The following SLC35H1 variants were observed in gnomAD, a reference collection of about 807,000 sequenced individuals.
The protein encoded by SLC35H1 is ovarian cancer-overexpressed gene 1 protein.
chr20:46,352,332 A>C, the SLC35H1 span: 14 of 963,072 alleles, frequency 1.5e-5, no homozygotes, highest in Admixed American at 4.5e-5. Flanking sequence ...GTTCTTACTG[A>C]GACCTGCTAA....
the SLC35H1 span, among the ~76,000 whole-genome samples, chr20:46,359,285 CCT>C: frequency 1.1e-4 from 17 of 152,212 alleles, no homozygotes; most frequent in South Asian, 6.2e-4. Flanking sequence ...GAATCAGTCC[CCT>C]GAGATACATG....
the SLC35H1 span, chr20:46,346,418 C>T: frequency 6.6e-6 from 1 of 152,060 alleles, no homozygotes; most frequent in Non-Finnish European, 1.5e-5. Flanking sequence ...TCTTACAGGG[C>T]AAGTCATTTG....
At chr20:46,356,298 C>T in the SLC35H1 span, among the ~76,000 whole-genome samples, 1 of 152,226 alleles carries the variant, frequency 6.6e-6, no homozygotes, top group Non-Finnish European at 1.5e-5. Flanking sequence ...GCCTTGCAGC[C>T]TGCCTTCCCC....
the SLC35H1 span, chr20:46,358,649 A>C: frequency 1.9e-6 from 3 of 1,554,026 alleles, no homozygotes; most frequent in Non-Finnish European, 2.6e-6. Flanking sequence ...CTGCAGCTCC[A>C]TGATTCGGAA....
At chr20:46,349,672 G>C in the SLC35H1 span, 1 of 152,556 alleles carries the variant, frequency 6.6e-6, no homozygotes, top group African/African-American at 2.4e-5. Flanking sequence ...GGGTCACACA[G>C]CTAGTGACAA....
chr20:46,363,979 A>G, the SLC35H1 span: 2 of 152,258 alleles, frequency 1.3e-5, no homozygotes, highest in Admixed American at 1.3e-4. Flanking sequence ...ACTTTCTCCA[A>G]TGCCCCACCC....
At chr20:46,357,138 C>G in the SLC35H1 span, among the ~76,000 whole-genome samples, 3 of 152,228 alleles carry the variant, frequency 2.0e-5, no homozygotes, top group African/African-American at 7.2e-5. Flanking sequence ...CCACGAGGGC[C>G]CCTCCTCCCA....
the SLC35H1 span, among the ~76,000 whole-genome samples, chr20:46,362,094 A>G: frequency 6.6e-6 from 1 of 152,170 alleles, no homozygotes; most frequent in Non-Finnish European, 1.5e-5. Context: ...ATTGGGATTC[A>G]GAAGGTCACC....
chr20:46,354,810 TG>T, the SLC35H1 span: 4 of 1,323,330 alleles, frequency 3.0e-6, no homozygotes, highest in Non-Finnish European at 3.2e-6. Context: ...CAGCTACCAC[TG>T]TGTTGGGCTC....
At chr20:46,355,584 C>T in the SLC35H1 span, among the ~76,000 whole-genome samples, 5 of 152,176 alleles carry the variant, frequency 3.3e-5, no homozygotes, top group African/African-American at 1.2e-4. This position sits in a 1 kb window ranked among gnomAD's most constrained non-coding sequence, Gnocchi z 4.8. Flanking sequence ...GACCCTCATC[C>T]TGCAGTGCTT....
the SLC35H1 span, among the ~76,000 whole-genome samples, chr20:46,359,796 T>C: frequency 6.6e-6 from 1 of 152,158 alleles, no homozygotes. Context: ...GACATTCCCA[T>C]CCTATTGAAA....
At chr20:46,350,543 C>T in the SLC35H1 span, 3 of 1,572,590 alleles carry the variant, frequency 1.9e-6, no homozygotes, top group Admixed American at 1.9e-5. Flanking sequence ...AGAGAGAGAC[C>T]ACAGTTACAG....
the SLC35H1 span, chr20:46,364,297 C>G: frequency 2.6e-5 from 4 of 152,282 alleles, no homozygotes; most frequent in Admixed American, 6.5e-5. Flanking sequence ...GGGTGGGGAG[C>G]CCGCTTCCCT....
At chr20:46,356,178 C>G in the SLC35H1 span, among the ~76,000 whole-genome samples, 1 of 152,206 alleles carries the variant, frequency 6.6e-6, no homozygotes, top group Non-Finnish European at 1.5e-5. Context: ...AGGAACAGTG[C>G]TCTCTGAAGC....
the SLC35H1 span, chr20:46,363,131 G>T: frequency 6.6e-6 from 1 of 152,184 alleles, no homozygotes; most frequent in Non-Finnish European, 1.5e-5. Flanking sequence ...ACCTTCTCTT[G>T]GGTGCCACGA....
At chr20:46,358,473 A>C in the SLC35H1 span, 2 of 1,614,226 alleles carry the variant, frequency 1.2e-6, no homozygotes. Flanking sequence ...ACCGCCTTCC[A>C]CAAAAAGGCC....
At chr20:46,351,045 C>T in the SLC35H1 span, among the ~76,000 whole-genome samples, 10 of 152,214 alleles carry the variant, frequency 6.6e-5, no homozygotes, top group Non-Finnish European at 1.3e-4. Context: ...TCAGGGGACC[C>T]GGCCGGCTTG....
At chr20:46,361,175 C>T in the SLC35H1 span, among the ~76,000 whole-genome samples, 1 of 152,156 alleles carries the variant, frequency 6.6e-6, no homozygotes, top group South Asian at 2.1e-4. Flanking sequence ...CTCGTGTTTT[C>T]CACACCCCCA....
At chr20:46,351,466 C>T in the SLC35H1 span, among the ~76,000 whole-genome samples, 1 of 152,210 alleles carries the variant, frequency 6.6e-6, no homozygotes, top group African/African-American at 2.4e-5. Flanking sequence ...AGAAAAGTCC[C>T]TCCCTGCCCC....
Sources: gnomAD v4.1 joint callset for allele counts (sites outside exome capture counted in the v4.1 genomes callset) on GRCh38, gnomAD v4.1.1 for gene constraint, Gnocchi (gnomAD v3.1) non-coding constraint, MANE v1.5 for transcripts, NCBI Gene and HGNC (gene_info 2026-07-23, HGNC 2026-07-21) for gene names.